Variants in RWDD4 observed in about 807,000 individuals in gnomAD.
RWDD4 encodes the protein RWD domain-containing protein 4.
In RWDD4, 16 loss-of-function variants were observed where a neutral mutation model predicts 30.0. The ratio of observed to expected loss-of-function variants is 0.53; its 90% confidence interval spans 0.36 to 0.81. The LOEUF is 0.81. RWDD4 is among the 30% of genes least tolerant of loss of function. The pLI is 0.00. For missense variants in RWDD4, 170 were observed against 223.9 expected (o/e 0.76, Z 1.54); for synonymous variants, 45 against 72.1 (o/e 0.62, Z 1.90).
chr4:183,643,373 G>A lies in RWDD4; in HGVS notation c.535-1905C>T, dbSNP rs116084326. ...AGAGGTTGCACTGACCTGAAATTGC[G>A]CCACTGAACTCCAGCCTGAGTGACA... On this transcript the variant is annotated intron_variant, in intron 7 of 7. Transcript: ENST00000326397. Among the ~76,000 whole-genome samples, 1,056 of 111,600 alleles carry A rather than the reference G, an allele frequency of 9.5e-3. 13 individuals are homozygous for A. The highest frequency in any genetic ancestry group is 0.033 in the African/African-American group (973 of 29,186). 73.2% of individuals were successfully genotyped at this position (111,600 alleles called of 152,430 possible). A position where few individuals can be genotyped will look rare whatever the true frequency, so the allele number is the denominator to read the frequency against.
At chr4:183,645,226 A>C (rs1481193496) in intron 7 of RWDD4, among the ~76,000 whole-genome samples, 1 of 152,230 alleles carries the variant, frequency 6.6e-6, no homozygotes, top group Non-Finnish European at 1.5e-5. Flanking sequence ...CTTGCATCCC[A>C]TTAAACACTT....
intron 7 of RWDD4, among the ~76,000 whole-genome samples, chr4:183,643,129 A>C (rs895095770): frequency 2.8e-5 from 4 of 143,944 alleles, no homozygotes; most frequent in African/African-American, 1.0e-4. Context: ...AAAAAAAAAA[A>C]AAGAAAACGG....
At position 183,658,939 on chromosome 4, in the gene RWDD4, T is replaced by A. The variant is rs1734296469; in HGVS notation, c.14A>T (p.Glu5Val). MSAN[E>V]DQEMELEALR... ...AGCCGGGGGGCTCACCTCCTGGTCCTCGTTGGCACTCATCGCGCCGGTCGC... is the reference window on the plus strand; with the variant it reads ...AGCCGGGGGGCTCACCTCCTGGTCCACGTTGGCACTCATCGCGCCGGTCGC... Residue 5 changes from glutamate (E) to valine (V), a missense_variant, in exon 1 of 8, where the codon GAG (glutamate) becomes GTG (valine). By Grantham distance (121) the Glu-to-Val change is moderately radical (BLOSUM62 -2). Transcript: ENST00000326397. 3 of 1,273,362 alleles carry A rather than the reference T, an allele frequency of 2.4e-6. No homozygotes were observed. The highest frequency in any genetic ancestry group is 3.0e-6 in the Non-Finnish European group (3 of 1,010,962). The allele number at this position is 1,273,362 out of a possible 1,614,324, so 78.9% of individuals were successfully genotyped here.
chr4:183,653,419 AT>A (rs1234977331), intron 2 of RWDD4, among the ~76,000 whole-genome samples: 2 of 151,400 alleles, frequency 1.3e-5, no homozygotes, highest in African/African-American at 4.9e-5. Flanking sequence ...AAAAAAAAAA[AT>A]CATCATCGTC....
At chr4:183,649,397 A>AGAGT (rs1477852330) in intron 5 of RWDD4, 54 bp downstream of exon 5, 6 of 1,184,452 alleles carry the variant, frequency 5.1e-6, no homozygotes, top group Non-Finnish European at 7.4e-6. Context: ...CTGGGCAACA[A>AGAGT]GAGTGAGACT....
At chr4:183,656,596 C>A (rs6818621) in intron 1 of RWDD4, among the ~76,000 whole-genome samples, 40,752 of 152,028 alleles carry the variant, frequency 0.27, 5,492 homozygotes, top group South Asian at 0.35. Context: ...CTGTGATCAC[C>A]GATGAATACC....
chr4:183,644,295 A>G (rs998738180), intron 7 of RWDD4, among the ~76,000 whole-genome samples: 10 of 152,242 alleles, frequency 6.6e-5, no homozygotes, highest in African/African-American at 1.7e-4. Flanking sequence ...AGAATGCCGG[A>G]GAGGCTTCAC....
At chr4:183,645,528 G>A (rs1405122977) in intron 7 of RWDD4, among the ~76,000 whole-genome samples, 1 of 151,176 alleles carries the variant, frequency 6.6e-6, no homozygotes, top group Non-Finnish European at 1.5e-5. Flanking sequence ...CCAGCACGTT[G>A]TGAGGCCGAG....
intron 1 of RWDD4, 69 bp downstream of exon 1, chr4:183,658,860 G>C (rs1278706537): frequency 1.2e-5 from 14 of 1,201,204 alleles, no homozygotes; most frequent in Non-Finnish European, 1.2e-5. Flanking sequence ...CCGGGCACCA[G>C]GTCTCACGGG....
intron 5 of RWDD4, 22 bp from the exon 6 acceptor site, chr4:183,646,559 C>T (rs372286737): frequency 6.9e-6 from 11 of 1,602,272 alleles, no homozygotes; most frequent in Non-Finnish European, 8.5e-6. Flanking sequence ...AAAATAGTAA[C>T]TTTATTTCTA....
At chr4:183,647,696 AAG>A (rs1733990283) in intron 5 of RWDD4, among the ~76,000 whole-genome samples, 1 of 152,204 alleles carries the variant, frequency 6.6e-6, no homozygotes, top group Non-Finnish European at 1.5e-5. Flanking sequence ...ACAATATTCA[AAG>A]AGAGATAAAC....
intron 2 of RWDD4, among the ~76,000 whole-genome samples, chr4:183,654,405 C>G (rs376819033): frequency 5.3e-5 from 8 of 152,134 alleles, no homozygotes; most frequent in African/African-American, 1.9e-4. Context: ...AGGAGGCTAC[C>G]AGACTATTCC....
intron 1 of RWDD4, among the ~76,000 whole-genome samples, chr4:183,657,979 TGA>T (rs1444231283): frequency 1.3e-5 from 2 of 152,220 alleles, no homozygotes; most frequent in Non-Finnish European, 2.9e-5. Context: ...GGTCCAACTC[TGA>T]GAAACATTAC....
chr4:183,642,207 T>TC lies in RWDD4; in HGVS notation c.535-740_535-739insG, dbSNP rs1491211596. Among the ~76,000 whole-genome samples the TC allele has an allele frequency of 2.5e-5, 2 of 79,250 alleles. 1 individual carries two copies. The highest frequency in any genetic ancestry group is 4.7e-5 in the Non-Finnish European group (2 of 42,626). 52.0% of individuals were successfully genotyped at this position (79,250 alleles called of 152,430 possible). ...AAAATTTTTTTTTTTTTTTTTTTTTTGAGACAGAGTCTCGCTCTGTCGCCC... is the reference window on the plus strand; with the variant it reads ...AAAATTTTTTTTTTTTTTTTTTTTTTCGAGACAGAGTCTCGCTCTGTCGCCC... On this transcript the variant is annotated intron_variant, in intron 7 of 7. Transcript: ENST00000326397.
chr4:183,645,599 CAAAA>C (rs11310523), intron 7 of RWDD4, among the ~76,000 whole-genome samples: 2 of 111,518 alleles, frequency 1.8e-5, no homozygotes. Flanking sequence ...TCTGTCTCTG[CAAAA>C]AAAAAAAAAA....
At chr4:183,648,248 G>GA (rs1207009091) in intron 5 of RWDD4, among the ~76,000 whole-genome samples, 147 of 101,634 alleles carry the variant, frequency 1.4e-3, no homozygotes, top group East Asian at 0.011. Flanking sequence ...AAAGAAAAAA[G>GA]AAAAAAAAAA....
intron 7 of RWDD4, among the ~76,000 whole-genome samples, chr4:183,645,898 T>C (rs757596443): frequency 9.9e-5 from 15 of 152,222 alleles, no homozygotes; most frequent in Non-Finnish European, 1.8e-4. Flanking sequence ...GCGTTATCTT[T>C]TCTTTTCTTT....
At chr4:183,655,100 G>C (rs111402472) in intron 2 of RWDD4, among the ~76,000 whole-genome samples, 11,111 of 150,518 alleles carry the variant, frequency 0.074, 1,353 homozygotes, top group African/African-American at 0.26. Context: ...ACCATCATGC[G>C]TGGCTAATTT....
At chr4:183,656,678 T>C (rs184452990) in intron 1 of RWDD4, among the ~76,000 whole-genome samples, 3 of 152,300 alleles carry the variant, frequency 2.0e-5, no homozygotes, top group Admixed American at 2.0e-4. Flanking sequence ...ATGTCATGAA[T>C]TCTACAAACT....
Sources: gnomAD v4.1 joint callset for allele counts (sites outside exome capture counted in the v4.1 genomes callset) on GRCh38, gnomAD v4.1.1 for gene constraint, MANE v1.5 for transcripts, NCBI Gene and HGNC (gene_info 2026-07-23, HGNC 2026-07-21) for gene names.